Variants in TMEM132B observed in about 807,000 individuals in gnomAD.
TMEM132B encodes the protein transmembrane protein 132B.
TMEM132B carries 18 observed loss-of-function variants against 90.8 expected under a neutral mutation model. The observed-to-expected ratio is 0.20, with a 90% confidence interval of 0.14 to 0.29. TMEM132B has a LOEUF of 0.29. Ranked by LOEUF, TMEM132B falls within the 10% of genes least tolerant of loss-of-function variation. TMEM132B has a pLI of 1.00. For missense variants in TMEM132B, 1,096 were observed against 1,326.8 expected (o/e 0.83, Z 2.70); for synonymous variants, 504 against 523.3 (o/e 0.96, Z 0.50).
chr12:125,473,638 T>C (rs928997343), intron 3 of TMEM132B, among the ~76,000 whole-genome samples: 3 of 152,234 alleles, frequency 2.0e-5, no homozygotes, highest in African/African-American at 7.2e-5. Context: ...GGAGTTTCCA[T>C]TTCCACAGTC....
chr12:125,282,503 T>C (rs1201094830), intron 1 of TMEM132B, among the ~76,000 whole-genome samples: 1 of 152,168 alleles, frequency 6.6e-6, no homozygotes, highest in African/African-American at 2.4e-5. Context: ...TGCACACACA[T>C]CTCATGGCAC....
intron 1 of TMEM132B, among the ~76,000 whole-genome samples, chr12:125,233,722 A>T (rs979839087): frequency 9.2e-5 from 14 of 152,276 alleles, no homozygotes; most frequent in Admixed American, 7.2e-4. Context: ...AGACTTTTCC[A>T]CTAGTAGGCT....
intron 4 of TMEM132B, among the ~76,000 whole-genome samples, chr12:125,569,079 C>T (rs1884729936): frequency 6.6e-6 from 1 of 152,134 alleles, no homozygotes; most frequent in Non-Finnish European, 1.5e-5. Flanking sequence ...GGGGTAATGA[C>T]AGTAGCTGCT....
chr12:125,234,965 C>G (rs1013099198), intron 1 of TMEM132B, among the ~76,000 whole-genome samples: 1 of 152,186 alleles, frequency 6.6e-6, no homozygotes, highest in African/African-American at 2.4e-5. Context: ...CTCTTTCCAG[C>G]GTACTCTTTG....
At chr12:125,478,032 T>C (rs1052810039) in intron 3 of TMEM132B, among the ~76,000 whole-genome samples, 8 of 152,156 alleles carry the variant, frequency 5.3e-5, no homozygotes, top group African/African-American at 7.2e-5. Context: ...ACCTGATTGT[T>C]AGAAGGAAAA....
intron 4 of TMEM132B, among the ~76,000 whole-genome samples, chr12:125,568,080 C>T (rs1219004397): frequency 6.6e-6 from 1 of 152,042 alleles, no homozygotes; most frequent in African/African-American, 2.4e-5. Flanking sequence ...TCCAGCACCC[C>T]ATCTTTCTAA....
intron 1 of TMEM132B, among the ~76,000 whole-genome samples, chr12:125,305,114 G>A (rs1565997593): frequency 6.6e-6 from 1 of 152,122 alleles, no homozygotes; most frequent in East Asian, 1.9e-4. Context: ...GAATATGTTG[G>A]TACACTTCTG....
chr12:125,202,197 C>A (rs1201969839), intron 1 of TMEM132B, among the ~76,000 whole-genome samples: 1 of 152,238 alleles, frequency 6.6e-6, no homozygotes, highest in Non-Finnish European at 1.5e-5. Context: ...GTTGAAAGCG[C>A]TGGGGAAGAA....
At position 125,408,780 on chromosome 12, in the gene TMEM132B, T is replaced by C. The variant is rs1879592694; in HGVS notation, c.960-6751T>C. ...AGGGTCTACGGAAATTCAGGCTTTG[T>C]AGTTATCACCAAATAGCTTTCCAAA... On this transcript the variant is annotated intron_variant, in intron 2 of 8. Transcript: ENST00000682704. This position sits in a 1 kb window ranked among gnomAD's most constrained non-coding sequence, Gnocchi z 5.9. Among the ~76,000 whole-genome samples the C allele has an allele frequency of 6.6e-6, 1 of 151,684 alleles. No homozygotes were observed. Among genetic ancestry groups the C allele is most frequent in the Admixed American group, 6.6e-5 (1 of 15,232 alleles).
chr12:125,422,471 C>G (rs1880196545), intron 3 of TMEM132B, among the ~76,000 whole-genome samples: 1 of 152,230 alleles, frequency 6.6e-6, no homozygotes, highest in Admixed American at 6.5e-5. Context: ...CCCACAGCAC[C>G]AGCAGGCCAC....
At chr12:125,519,418 T>C in intron 3 of TMEM132B, 21 bp from the exon 4 acceptor site, 1 of 1,590,288 alleles carries the variant, frequency 6.3e-7, no homozygotes, top group Non-Finnish European at 8.6e-7. Flanking sequence ...AATGGAACCT[T>C]AATATGTGTT....
intron 4 of TMEM132B, among the ~76,000 whole-genome samples, chr12:125,529,271 A>T (rs964431486): frequency 6.6e-6 from 1 of 151,736 alleles, no homozygotes; most frequent in Non-Finnish European, 1.5e-5. Context: ...TTACTTTTTA[A>T]TTTTTTGTAG....
chr12:125,412,226 C>T (rs759424987), intron 2 of TMEM132B, among the ~76,000 whole-genome samples: 12 of 152,064 alleles, frequency 7.9e-5, no homozygotes, highest in South Asian at 4.1e-4. Flanking sequence ...CCCCTGAGGA[C>T]GAGGGGACCT....
intron 4 of TMEM132B, among the ~76,000 whole-genome samples, chr12:125,529,357 A>G (rs1883585259): frequency 6.6e-6 from 1 of 152,122 alleles, no homozygotes; most frequent in Non-Finnish European, 1.5e-5. Flanking sequence ...TTAGCCTCCA[A>G]AATTGTTAGG....
chr12:125,541,009 C>G (rs1252159619), intron 4 of TMEM132B, among the ~76,000 whole-genome samples: 1 of 152,198 alleles, frequency 6.6e-6, no homozygotes, highest in Admixed American at 6.5e-5. Context: ...CTTTGTACTT[C>G]CTGTTCCCTC....
intron 3 of TMEM132B, among the ~76,000 whole-genome samples, chr12:125,422,987 T>G (rs1159477344): frequency 6.6e-6 from 1 of 152,152 alleles, no homozygotes; most frequent in African/African-American, 2.4e-5. Context: ...ATAAGCAGGT[T>G]GAGGCGGCCC....
At chr12:125,423,860 GA>G (rs1371376958) in intron 3 of TMEM132B, among the ~76,000 whole-genome samples, 1 of 152,004 alleles carries the variant, frequency 6.6e-6, no homozygotes, top group East Asian at 1.9e-4. Flanking sequence ...TACTAATAAA[GA>G]ATAAATATAT....
intron 3 of TMEM132B, among the ~76,000 whole-genome samples, chr12:125,417,151 C>T (rs546950752): frequency 2.4e-4 from 37 of 152,194 alleles, no homozygotes; most frequent in African/African-American, 8.7e-4. Context: ...TCCTCATGGT[C>T]ACAAGATGTC....
intron 2 of TMEM132B, among the ~76,000 whole-genome samples, chr12:125,412,521 T>C (rs951389268): frequency 2.6e-5 from 4 of 152,204 alleles, no homozygotes; most frequent in East Asian, 3.9e-4. Context: ...TTTCGAATCC[T>C]GGCTCTGCCA....
Sources: allele counts gnomAD v4.1 joint callset (sites outside exome capture counted in the v4.1 genomes callset), GRCh38; gene constraint gnomAD v4.1.1; non-coding constraint Gnocchi (gnomAD v3.1); transcripts MANE v1.5; gene names NCBI Gene and HGNC (gene_info 2026-07-23, HGNC 2026-07-21).